Variants in DNAJA4 observed in about 807,000 individuals in gnomAD.
DNAJA4 encodes dnaJ homolog subfamily A member 4.
Under a neutral mutation model 39.7 loss-of-function variants are expected in DNAJA4, and 32 were observed. The ratio of observed to expected loss-of-function variants is 0.81; its 90% CI spans 0.61 to 1.08. The LOEUF (loss-of-function observed/expected upper bound fraction) is 1.08. Ranked by LOEUF, DNAJA4 falls within the 50% of genes least tolerant of loss-of-function variation. The pLI is 0.00. For missense variants in DNAJA4, 439 were observed against 505.1 expected (o/e 0.87, Z 1.25); for synonymous variants, 184 against 182.4 (o/e 1.01, Z -0.07).
chr15:78,264,603 C>T lies in DNAJA4; in HGVS notation c.-161C>T, dbSNP rs945187748. ...GCGTGGAAGTCGGTCCGGCGCGGGG[C>T]GGGGGGCGGGCGGGAGCTACAAGCG... On this transcript the variant is annotated 5_prime_UTR_variant, in exon 1 of 7. Transcript: ENST00000394852. The T allele has an allele frequency of 9.9e-6, 11 of 1,114,742 alleles. No individual in the cohort carries two copies. Among genetic ancestry groups the T allele is most frequent in the Middle Eastern group, 3.8e-4 (1 of 2,660 alleles). 69.1% of individuals were successfully genotyped at this position (1,114,742 alleles called of 1,614,324 possible).
rs186234848 is a variant in DNAJA4, at chr15:78,278,337, T to C, written c.878-1708T>C. ...TGGGGAGACAGAAAAACCAGTCATA[T>C]GTAACTTAACGAAGGGGATATGTTC... is the stretch of plus-strand genomic sequence containing the variant. On this transcript the variant is annotated intron_variant, in intron 5 of 6. Coordinates refer to ENST00000394852, the MANE Select transcript of DNAJA4 (RefSeq NM_001130182.2). 1.3e-3 allele frequency: 575 copies of C among 454,164 alleles called. 3 individuals are homozygous for C. The highest frequency in any genetic ancestry group is 0.01 in the African/African-American group (503 of 50,136). The allele number at this position is 454,164 out of a possible 1,614,324, so 28.1% of individuals were successfully genotyped here. A position where few individuals can be genotyped will look rare whatever the true frequency, so the allele number is the denominator to read the frequency against.
intron 1 of DNAJA4, among the ~76,000 whole-genome samples, chr15:78,266,804 T>C (rs577782325): frequency 3.7e-4 from 56 of 152,352 alleles, no homozygotes; most frequent in African/African-American, 1.1e-3. Flanking sequence ...TGGCCACTTA[T>C]GGGGTGAGTA....
intron 3 of DNAJA4, 31 bp from the exon 4 acceptor site, chr15:78,274,166 G>A (rs1265007344): frequency 6.3e-7 from 1 of 1,598,376 alleles, no homozygotes; most frequent in Admixed American, 1.7e-5. Context: ...GAAGAGCATG[G>A]CCCTCATTCC....
chr15:78,281,794 G>A lies in DNAJA4; in HGVS notation c.*1334G>A, dbSNP rs1280704717. ...TCACTCAGACCAGGGATCTTCCTTA[G>A]GAGGGTCAAAGTGCAGATCAGACCA... On this transcript the variant is annotated 3_prime_UTR_variant, in exon 7 of 7. Transcript: ENST00000394852. The A allele has an allele frequency of 1.3e-5, 2 of 152,196 alleles. No individual in the cohort carries two copies. The highest frequency in any genetic ancestry group is 4.8e-5 in the African/African-American group (2 of 41,440). The allele number at this position is 152,196 out of a possible 1,614,324, so 9.4% of individuals were successfully genotyped here. A position where few individuals can be genotyped will look rare whatever the true frequency, so the allele number is the denominator to read the frequency against.
At chr15:78,264,399 C>T (rs987825237), upstream of DNAJA4, 4 of 1,389,664 alleles carry the variant, frequency 2.9e-6, no homozygotes, top group East Asian at 3.1e-5. Context: ...CCCAGGTGAG[C>T]GGCTGGGCCG....
chr15:78,275,430 T>C, intron 4 of DNAJA4, 68 bp from the exon 5 acceptor site: 1 of 1,333,648 alleles, frequency 7.5e-7, no homozygotes. Context: ...CTGTTCCTTC[T>C]TCAAAAGCTT....
chr15:78,268,968 A>G (rs2049220195), intron 1 of DNAJA4, among the ~76,000 whole-genome samples: 2 of 152,274 alleles, frequency 1.3e-5, no homozygotes, highest in Middle Eastern at 6.8e-3. Flanking sequence ...CATCCCTGAG[A>G]AGGTGGTCTG....
chr15:78,279,453 CGGGTGCCAGCCGGGA>C lies in DNAJA4; in HGVS notation c.878-586_878-572del, dbSNP rs2049588822. 1 of 155,240 alleles carries C rather than the reference CGGGTGCCAGCCGGGA, an allele frequency of 6.4e-6. No individual in the cohort carries two copies. Among genetic ancestry groups the C allele is most frequent in the African/African-American group, 2.4e-5 (1 of 41,470 alleles). The allele number at this position is 155,240 out of a possible 1,614,324, so 9.6% of individuals were successfully genotyped here. A position where few individuals can be genotyped will look rare whatever the true frequency, so the allele number is the denominator to read the frequency against. On this transcript the variant is annotated intron_variant, in intron 5 of 6. Transcript: ENST00000394852. The surrounding 1 kb of genome is among the most constrained non-coding windows in gnomAD (Gnocchi z 4.5). Reference sequence around the variant, plus strand: ...AAAGTCACGTAGCTGTAAGACCCAGCGGGTGCCAGCCGGGAGGGTGACTCCAGCTCAGCAGCATGT... The same window carrying C: ...AAAGTCACGTAGCTGTAAGACCCAGCGGGTGACTCCAGCTCAGCAGCATGT...
chr15:78,280,039 T>G lies in DNAJA4; in HGVS notation c.878-6T>G. ...CCTCCTTCCTAATTGACCCTTTCTCTGGCAGGTGAGGTGATAAAGCACGGG... is the reference window on the plus strand; with the variant it reads ...CCTCCTTCCTAATTGACCCTTTCTCGGGCAGGTGAGGTGATAAAGCACGGG... On this transcript the variant is annotated splice_region_variant and splice_polypyrimidine_tract_variant and intron_variant, in intron 5 of 6. Transcript: ENST00000394852. The G allele has an allele frequency of 6.2e-7, 1 of 1,614,022 alleles. No individual in the cohort carries two copies. Among genetic ancestry groups the G allele is most frequent in the Admixed American group, 1.7e-5 (1 of 60,018 alleles).
chr15:78,266,065 G>T (rs1160247640), intron 1 of DNAJA4: 1 of 614,388 alleles, frequency 1.6e-6, no homozygotes, highest in Non-Finnish European at 2.8e-6. Flanking sequence ...ACTCACTTGC[G>T]TTCTTTCTCA....
rs761584888 is a variant in DNAJA4, at chr15:78,280,103, C to T, written c.936C>T (p.Tyr312=). 5 of 1,614,200 alleles carry T rather than the reference C, an allele frequency of 3.1e-6. No individual in the cohort carries two copies. The highest frequency in any genetic ancestry group is 3.4e-6 in the Non-Finnish European group (4 of 1,180,024). Residue 312 remains tyrosine (Y), a synonymous_variant, in exon 6 of 7, where the codon TAC becomes TAT. Transcript: ENST00000394852. Reference sequence around the variant, plus strand: ...TGCGCGATGAAGGAATGCCCATCTACAAAGCACCCCTGGAAAAAGGGATTC... The same window carrying T: ...TGCGCGATGAAGGAATGCCCATCTATAAAGCACCCCTGGAAAAAGGGATTC... ...RCVRDEGMPI[Y]KAPLEKGILI... is the part of the protein sequence containing the mutation.
intron 5 of DNAJA4, among the ~76,000 whole-genome samples, chr15:78,278,472 G>A (rs559106059): frequency 5.9e-5 from 9 of 152,374 alleles, no homozygotes; most frequent in South Asian, 2.1e-4. Context: ...GGCATAGCCT[G>A]TTGCTCCTGG....
chr15:78,273,640 TA>T (rs2049365097), intron 3 of DNAJA4, among the ~76,000 whole-genome samples: 1 of 152,224 alleles, frequency 6.6e-6, no homozygotes. Flanking sequence ...TCATAGTACA[TA>T]AATGAATGGA....
At chr15:78,264,558 C>T (rs1303699367), upstream of DNAJA4, 25 of 1,217,870 alleles carry the variant, frequency 2.1e-5, no homozygotes, top group Non-Finnish European at 2.6e-5. Flanking sequence ...GAGCCGGTGG[C>T]TCTAGTGCGG....
chr15:78,277,922 G>GTTTTGT (rs923724675), intron 5 of DNAJA4: 10 of 388,032 alleles, frequency 2.6e-5, no homozygotes, highest in African/African-American at 1.9e-4. Context: ...TGTCCTTTTT[G>GTTTTGT]TTTTGTTTTT....
At chr15:78,264,150 C>G (rs1259883377), upstream of DNAJA4, 3 of 462,882 alleles carry the variant, frequency 6.5e-6, no homozygotes, top group Non-Finnish European at 1.1e-5. Context: ...CTCCCAGTCC[C>G]ACCCTTCGGC....
At position 78,270,487 on chromosome 15, in the gene DNAJA4, T is replaced by C; in HGVS notation, c.133-10T>C. On this transcript the variant is annotated splice_polypyrimidine_tract_variant and intron_variant, in intron 1 of 6. Transcript: ENST00000394852. ...TTCTCTAAAAATCTCTCTCTCTCTC[T>C]CTTTTAAAGTTTAAACTCATATCCC... 1 of 1,600,908 alleles carries C rather than the reference T, an allele frequency of 6.2e-7. No individual in the cohort carries two copies. Among genetic ancestry groups the C allele is most frequent in the Non-Finnish European group, 8.5e-7 (1 of 1,174,606 alleles).
Position 78,270,546 on chromosome 15 carries a change from G to A in DNAJA4, c.182G>A (p.Arg61Lys). 6.2e-7 allele frequency: 1 copy of A among 1,614,156 alleles called. No individual in the cohort carries two copies. ...GAAGTGCTTTCAGATCCAAAGAAAAGGGATGTTTATGACCAAGGCGGAGAG... is the reference window on the plus strand; with the variant it reads ...GAAGTGCTTTCAGATCCAAAGAAAAAGGATGTTTATGACCAAGGCGGAGAG... ...AYEVLSDPKK[R>K]DVYDQGGEQA... Residue 61 changes from arginine to lysine, a missense_variant, in exon 2 of 7, where the codon AGG becomes AAG. Transcript: ENST00000394852.
upstream of DNAJA4, chr15:78,264,259 GGACAGTTGTCGGAGGGC>G: frequency 1.6e-6 from 2 of 1,263,092 alleles, no homozygotes; most frequent in South Asian, 1.8e-5. Context: ...CGGGGCGGCG[GGACAGTTGTCGGAGGGC>G]GCCCTCCAGG....
Sources: allele counts gnomAD v4.1 joint callset (sites outside exome capture counted in the v4.1 genomes callset), GRCh38; gene constraint gnomAD v4.1.1; non-coding constraint Gnocchi (gnomAD v3.1); transcripts MANE v1.5; gene names NCBI Gene and HGNC (gene_info 2026-07-23, HGNC 2026-07-21).